Variants in CACNA1G observed in about 807,000 individuals in gnomAD.
The protein encoded by CACNA1G is calcium voltage-gated channel subunit alpha1 G.
In CACNA1G, 67 loss-of-function variants were observed where a neutral mutation model predicts 219.4. The observed-to-expected ratio is 0.31, with a 90% CI of 0.25 to 0.37. The LOEUF (loss-of-function observed/expected upper bound fraction) is 0.37. Among genes scored for constraint, CACNA1G ranks in the 10% least tolerant of loss-of-function variants. The probability of loss-of-function intolerance (pLI) is 1.00; values close to 1 mark genes in which losing one functional copy is unlikely to be tolerated. For synonymous variants in CACNA1G, 1,296 were observed against 1,345.3 expected (o/e 0.96, Z 0.80); for missense variants, 2,380 against 3,231.4 (o/e 0.74, Z 6.39).
chr17:50,616,589 G>C (rs1040687040), intron 28 of CACNA1G, among the ~76,000 whole-genome samples: 1 of 152,142 alleles, frequency 6.6e-6, no homozygotes, highest in Non-Finnish European at 1.5e-5. Flanking sequence ...GAGAGAATTT[G>C]ACAAGACAGG....
rs1420776616 is a variant in CACNA1G at position 50,590,451 on chromosome 17, C to T, written c.2302-20C>T. 1 of 1,613,228 alleles carries T rather than the reference C, an allele frequency of 6.2e-7. No individual in the cohort carries two copies. The highest frequency in any genetic ancestry group is 8.5e-7 in the Non-Finnish European group (1 of 1,179,782). Reference sequence around the variant, plus strand: ...GCTCAGTGATAAGCCAGCTGCCTCACATCCCACCCTGCCCTGCAGCCCGAG... The same window carrying T: ...GCTCAGTGATAAGCCAGCTGCCTCATATCCCACCCTGCCCTGCAGCCCGAG... On this transcript the variant is annotated intron_variant, in intron 9 of 37. Transcript: ENST00000359106.
chr17:50,561,385 T>G lies in CACNA1G; in HGVS notation c.-75T>G, dbSNP rs2035542047. 6.6e-7 allele frequency: 1 copy of G among 1,520,796 alleles called. No individual in the cohort carries two copies. Among genetic ancestry groups the G allele is most frequent in the African/African-American group, 1.4e-5 (1 of 71,908 alleles). 94.2% of individuals were successfully genotyped at this position (1,520,796 alleles called of 1,614,324 possible). A position where few individuals can be genotyped will look rare whatever the true frequency, so the allele number is the denominator to read the frequency against. ...ATGTGCCCCCGCCGGGGCCCCCGGGTTGCGTGAGGACACCTCCTCTGAGGG... is the reference window on the plus strand; with the variant it reads ...ATGTGCCCCCGCCGGGGCCCCCGGGGTGCGTGAGGACACCTCCTCTGAGGG... On this transcript the variant is annotated 5_prime_UTR_variant, in exon 1 of 38. Transcript: ENST00000359106.
At position 50,578,666 on chromosome 17, in the gene CACNA1G, C is replaced by T. The variant is rs2041236057; in HGVS notation, c.2301+102C>T. ...CCCCTCCTCCTGAGCTCAGCTTCCT[C>T]TCCATGCTGCTAGCCCACCTGGCAG... is the stretch of plus-strand genomic sequence containing the variant. On this transcript the variant is annotated intron_variant, in intron 9 of 37. Coordinates refer to ENST00000359106, the MANE Select transcript of CACNA1G (RefSeq NM_018896.5). The surrounding 1 kb of genome is among the most constrained non-coding windows in gnomAD (Gnocchi z 4.5). 3 of 1,199,528 alleles carry T rather than the reference C, an allele frequency of 2.5e-6. No homozygotes were observed. The highest frequency in any genetic ancestry group is 1.6e-5 in the South Asian group (1 of 60,732). 74.3% of individuals were successfully genotyped at this position (1,199,528 alleles called of 1,614,324 possible).
chr17:50,578,295 G>A lies in CACNA1G; in HGVS notation c.2032G>A (p.Val678Met). 1.2e-6 allele frequency: 2 copies of A among 1,613,164 alleles called. No individual in the cohort carries two copies. Among genetic ancestry groups the A allele is most frequent in the Non-Finnish European group, 1.7e-6 (2 of 1,179,870 alleles). ...CTGTGCCCGGGCCGGGGCAGGGGAG[G>A]TGGAGCTCGCCGACCGTGAAATGCC... ...PYCARAGAGE[V>M]ELADREMPDS... The change falls in exon 9 of 38, where the codon GTG becomes ATG. Residue 678 changes from valine (V) to methionine (M), a missense_variant. Val to Met is a conservative substitution (Grantham distance 21). Transcript: ENST00000359106. The surrounding 1 kb of genome is among the most constrained non-coding windows in gnomAD (Gnocchi z 4.5).
rs1232409306 is a variant in CACNA1G, at chr17:50,603,080, C to T, written c.4050C>T (p.Asp1350=). The change falls in exon 21 of 38, where the codon GAC becomes GAT. Residue 1350 remains aspartate (D), a synonymous_variant. Coordinates refer to ENST00000359106, the MANE Select transcript of CACNA1G (RefSeq NM_018896.5). This position sits in a 1 kb window ranked among gnomAD's most constrained non-coding sequence, Gnocchi z 6.4. ...AYLRSSWNVL[D]GLLVLISVID... ...TGCGGAGCAGTTGGAACGTGCTGGA[C>T]GGGCTGTTGGTGCTCATCTCCGTCA... is the stretch of plus-strand genomic sequence containing the variant. 25 of 1,613,484 alleles carry T rather than the reference C, an allele frequency of 1.5e-5. No homozygotes were observed. Among genetic ancestry groups the T allele is most frequent in the African/African-American group, 4.0e-5 (3 of 74,868 alleles).
chr17:50,602,239 C>T (rs2145826766), intron 19 of CACNA1G, among the ~76,000 whole-genome samples: 1 of 152,378 alleles, frequency 6.6e-6, no homozygotes, highest in African/African-American at 2.4e-5. Context: ...TCACACCCTG[C>T]CCGCCACCTC....
intron 26 of CACNA1G, among the ~76,000 whole-genome samples, chr17:50,612,102 C>A (rs2049337112): frequency 6.6e-6 from 1 of 152,274 alleles, no homozygotes; most frequent in Non-Finnish European, 1.5e-5. Context: ...GCATAAGAAT[C>A]ACCTGGAAAG....
intron 26 of CACNA1G, among the ~76,000 whole-genome samples, chr17:50,611,082 C>T (rs762723682): frequency 4.6e-5 from 7 of 151,752 alleles, no homozygotes; most frequent in South Asian, 2.1e-4. Flanking sequence ...GGTGAAACCC[C>T]GTCTCTACTA....
intron 9 of CACNA1G, among the ~76,000 whole-genome samples, chr17:50,580,975 T>G (rs2041836313): frequency 6.8e-6 from 1 of 147,322 alleles, no homozygotes; most frequent in African/African-American, 2.5e-5. Flanking sequence ...TGTGGGGGGC[T>G]GAGACAGAGA....
rs934944817 is a variant in CACNA1G at position 50,603,211 on chromosome 17, C to T, written c.4169+12C>T. The T allele has an allele frequency of 1.9e-6, 3 of 1,597,890 alleles. No individual in the cohort carries two copies. Among genetic ancestry groups the T allele is most frequent in the Non-Finnish European group, 2.5e-6 (3 of 1,178,532 alleles). ...CTGCGCCCGCTCAGGTGACTCCCTCCCCAGCACTGGAACACCTCCAAGAGG... is the reference window on the plus strand; with the variant it reads ...CTGCGCCCGCTCAGGTGACTCCCTCTCCAGCACTGGAACACCTCCAAGAGG... On this transcript the variant is annotated intron_variant, in intron 21 of 37. Coordinates refer to ENST00000359106, the MANE Select transcript of CACNA1G (RefSeq NM_018896.5). This position sits in a 1 kb window ranked among gnomAD's most constrained non-coding sequence, Gnocchi z 6.4.
rs536204813 is a variant in CACNA1G, at chr17:50,603,171, C to A, written c.4141C>A (p.Arg1381=). 3 of 1,608,206 alleles carry A rather than the reference C, an allele frequency of 1.9e-6. No individual in the cohort carries two copies. The South Asian group carries it at 3.3e-5, about 18-fold the overall frequency. ...GATCCTGGGCATGCTGAGGGTGCTG[C>A]GGCTGCTGCGGACCCTGCGCCCGCT... is the stretch of plus-strand genomic sequence containing the variant. ...TKILGMLRVL[R]LLRTLRPLRV... Residue 1381 remains arginine, a synonymous_variant, in exon 21 of 38, where the codon CGG becomes AGG. Coordinates refer to ENST00000359106, the MANE Select transcript of CACNA1G (RefSeq NM_018896.5). The surrounding 1 kb of genome is among the most constrained non-coding windows in gnomAD (Gnocchi z 6.4).
chr17:50,599,486 G>A lies in CACNA1G; in HGVS notation c.3317G>A (p.Arg1106Lys). Residue 1106 changes from arginine (R) to lysine (K), a missense_variant, in exon 17 of 38, where the codon AGG (arginine) becomes AAG (lysine). Physicochemically the swap from Arg to Lys is conservative, Grantham distance 26. Transcript: ENST00000359106. Reference protein sequence around the residue: ...PWSAASSWTSRRSSRNSLGRA... With the variant: ...PWSAASSWTSKRSSRNSLGRA... ...AGCGCTGCAAGCAGCTGGACCAGCA[G>A]GCGCTCCAGCCGGAACAGCCTCGGC... The A allele has an allele frequency of 6.3e-7, 1 of 1,592,082 alleles. No individual in the cohort carries two copies. The highest frequency in any genetic ancestry group is 8.5e-7 in the Non-Finnish European group (1 of 1,170,364).
chr17:50,572,314 A>G (rs1488939312), intron 5 of CACNA1G, among the ~76,000 whole-genome samples: 1 of 152,148 alleles, frequency 6.6e-6, no homozygotes, highest in Non-Finnish European at 1.5e-5. Flanking sequence ...TTGCAGTGAA[A>G]TTTGAAAATC....
Position 50,575,600 on chromosome 17 carries a change from G to C in CACNA1G, c.1198G>C (p.Glu400Gln). 4 of 1,613,644 alleles carry C rather than the reference G, an allele frequency of 2.5e-6. No individual in the cohort carries two copies. Among genetic ancestry groups the C allele is most frequent in the Non-Finnish European group, 3.4e-6 (4 of 1,179,834 alleles). Reference sequence around the variant, plus strand: ...GGTGGTGATTGCCACGCAGTTCTCAGAGACCAAGCAGCGGGAAAGCCAGCT... The same window carrying C: ...GGTGGTGATTGCCACGCAGTTCTCACAGACCAAGCAGCGGGAAAGCCAGCT... ...CLVVIATQFS[E>Q]TKQRESQLMR... The change falls in exon 8 of 38, where the codon GAG (glutamate) becomes CAG (glutamine). Residue 400 changes from glutamate to glutamine, a missense_variant. Physicochemically the swap from Glu to Gln is conservative, Grantham distance 29. Transcript: ENST00000359106.
At position 50,578,813 on chromosome 17, in the gene CACNA1G, C is replaced by T. The variant is rs2041273973; in HGVS notation, c.2301+249C>T. Among the ~76,000 whole-genome samples the T allele has an allele frequency of 6.6e-6, 1 of 152,152 alleles. No individual in the cohort carries two copies. Among genetic ancestry groups the T allele is most frequent in the African/African-American group, 2.4e-5 (1 of 41,436 alleles). ...GGGTATGTTCTACCCAGGAAGGCTG[C>T]TCAGAGGAGGCTGGCTTTGAAGGAT... On this transcript the variant is annotated intron_variant, in intron 9 of 37. Coordinates refer to ENST00000359106, the MANE Select transcript of CACNA1G (RefSeq NM_018896.5). The surrounding 1 kb of genome is among the most constrained non-coding windows in gnomAD (Gnocchi z 4.5).
intron 35 of CACNA1G, 77 bp from the exon 36 acceptor site, chr17:50,623,830 C>A: frequency 1.4e-6 from 2 of 1,480,364 alleles, no homozygotes; most frequent in South Asian, 1.3e-5. Flanking sequence ...CTGCTGCTTT[C>A]TGTTGTCAGC....
chr17:50,606,368 C>T (rs2047970764), intron 23 of CACNA1G: 1 of 602,746 alleles, frequency 1.7e-6, no homozygotes, highest in South Asian at 2.0e-5. Flanking sequence ...CAAATCCTGA[C>T]CCCACCATTG....
Position 50,617,856 on chromosome 17 carries a change from C to T in CACNA1G, c.5156-3C>T. The T allele has an allele frequency of 6.2e-7, 1 of 1,613,346 alleles. No individual in the cohort carries two copies. Among genetic ancestry groups the T allele is most frequent in the Non-Finnish European group, 8.5e-7 (1 of 1,179,808 alleles). ...CAGCTCATGACGTTGTCCTGTTCTG[C>T]AGTGCTGAAGCTGCTGAAGATGGCT... On this transcript the variant is annotated splice_region_variant and splice_polypyrimidine_tract_variant and intron_variant, in intron 29 of 37. Coordinates refer to ENST00000359106, the MANE Select transcript of CACNA1G (RefSeq NM_018896.5). The surrounding 1 kb of genome is among the most constrained non-coding windows in gnomAD (Gnocchi z 5.8).
chr17:50,597,101 G>C, intron 16 of CACNA1G, among the ~76,000 whole-genome samples, 178 bp downstream of exon 16: 1 of 152,132 alleles, frequency 6.6e-6, no homozygotes, highest in East Asian at 1.9e-4. Context: ...ACCAGGGTAG[G>C]AGCCCTAGCC....
Sources: allele counts gnomAD v4.1 joint callset (sites outside exome capture counted in the v4.1 genomes callset), GRCh38; gene constraint gnomAD v4.1.1; non-coding constraint Gnocchi (gnomAD v3.1); transcripts MANE v1.5; gene names NCBI Gene and HGNC (gene_info 2026-07-23, HGNC 2026-07-21).